The following CREG2 variants were observed in gnomAD, a reference collection of about 807,000 sequenced individuals.
CREG2 encodes protein CREG2.
Under a neutral mutation model 26.2 loss-of-function variants are expected in CREG2, and 24 were observed. The ratio of observed to expected loss-of-function variants is 0.92; its 90% CI spans 0.66 to 1.29. CREG2 has a LOEUF of 1.29. CREG2 is among the 50% of genes most tolerant of loss of function. The pLI, the probability that CREG2 is intolerant of heterozygous loss-of-function variation, is 0.00. For missense variants in CREG2, 366 were observed against 398.6 expected (o/e 0.92, Z 0.70); for synonymous variants, 174 against 169.2 (o/e 1.03, Z -0.22).
chr2:101,363,514 T>C (rs2104475056), intron 2 of CREG2, among the ~76,000 whole-genome samples: 1 of 152,340 alleles, frequency 6.6e-6, no homozygotes, highest in East Asian at 1.9e-4. Context: ...ACTTTATGTC[T>C]TGATAGTATA....
intron 2 of CREG2, among the ~76,000 whole-genome samples, chr2:101,376,912 G>A (rs1183068264): frequency 6.6e-6 from 1 of 152,072 alleles, no homozygotes; most frequent in African/African-American, 2.4e-5. Context: ...GCTAGACTAG[G>A]GAAACTGTAA....
chr2:101,370,527 G>A (rs1359334794), intron 2 of CREG2, among the ~76,000 whole-genome samples: 1 of 152,160 alleles, frequency 6.6e-6, no homozygotes, highest in Admixed American at 6.5e-5. Flanking sequence ...GGAGGGCTTA[G>A]GACTCAAATT....
intron 2 of CREG2, among the ~76,000 whole-genome samples, chr2:101,371,848 C>T (rs1684712189): frequency 6.6e-6 from 1 of 152,022 alleles, no homozygotes. Flanking sequence ...TGGGAAGTCC[C>T]AGGAGGCTGA....
intron 2 of CREG2, among the ~76,000 whole-genome samples, chr2:101,359,815 A>G (rs539353739): frequency 1.3e-5 from 2 of 152,368 alleles, no homozygotes; most frequent in Admixed American, 6.5e-5. Context: ...TACCAGCATT[A>G]TGCATCAACC....
At chr2:101,355,717 C>CG (rs901014163) in intron 2 of CREG2, among the ~76,000 whole-genome samples, 52 of 90,208 alleles carry the variant, frequency 5.8e-4, no homozygotes, top group South Asian at 3.9e-3. Context: ...GGGTGGGGTT[C>CG]GGGGGGGTGG....
At chr2:101,362,488 T>C (rs1684557007) in intron 2 of CREG2, among the ~76,000 whole-genome samples, 1 of 152,220 alleles carries the variant, frequency 6.6e-6, no homozygotes, top group Non-Finnish European at 1.5e-5. Context: ...TCTGGAGCTC[T>C]GTTTGTCTCT....
At chr2:101,377,308 G>T (rs2104483144) in intron 2 of CREG2, among the ~76,000 whole-genome samples, 1 of 152,026 alleles carries the variant, frequency 6.6e-6, no homozygotes, top group African/African-American at 2.4e-5. Context: ...ACCTCTTTGG[G>T]TTTCATTTAC....
intron 3 of CREG2, among the ~76,000 whole-genome samples, chr2:101,352,988 T>G (rs1204650486): frequency 1.3e-5 from 2 of 152,174 alleles, no homozygotes; most frequent in African/African-American, 4.8e-5. Flanking sequence ...TACTGAAAGC[T>G]GGAGGTAAAG....
At chr2:101,379,396 T>TGGC (rs1394595261) in intron 2 of CREG2, among the ~76,000 whole-genome samples, 1 of 152,238 alleles carries the variant, frequency 6.6e-6, no homozygotes, top group Admixed American at 6.5e-5. Context: ...CTCAAGATAT[T>TGGC]GGCTTCTCAC....
chr2:101,370,063 G>A (rs996635562), intron 2 of CREG2, among the ~76,000 whole-genome samples: 1 of 152,286 alleles, frequency 6.6e-6, no homozygotes, highest in Non-Finnish European at 1.5e-5. Context: ...AGGTTGCCTA[G>A]GAGTGAATCC....
rs148422857 is a variant in CREG2 at position 101,371,321 on chromosome 2, G to A, written c.611+12212C>T. The stretch of plus-strand genomic sequence containing the variant: ...TTTCCAAAAGCCTGCTATTCATCTC[G>A]TTAGAGATGCACCACAAACAATGCA... On this transcript the variant is annotated intron_variant, in intron 2 of 3. Coordinates refer to ENST00000324768, the MANE Select transcript of CREG2 (RefSeq NM_153836.4). Among the ~76,000 whole-genome samples, 61 of 152,194 alleles carry A rather than the reference G, an allele frequency of 4.0e-4. 1 individual carries two copies. Among genetic ancestry groups the A allele is most frequent in the African/African-American group, 1.2e-3 (48 of 41,518 alleles).
rs1684439070 is a variant in CREG2, at chr2:101,355,291, TGGA to T, written c.684_686del (p.Pro229del). The stretch of plus-strand genomic sequence containing the variant: ...CTTGCTTGGCAAATTCTACTTCTTC[TGGA>T]GACACTGCGATCATCTGGCCAGTGA... On this transcript the variant is annotated inframe_deletion, in exon 3 of 4. Coordinates refer to ENST00000324768, the MANE Select transcript of CREG2 (RefSeq NM_153836.4). 2 of 1,613,842 alleles carry T rather than the reference TGGA, an allele frequency of 1.2e-6. No individual in the cohort carries two copies. Among genetic ancestry groups the T allele is most frequent in the Non-Finnish European group, 8.5e-7 (1 of 1,179,728 alleles).
In CREG2 at chr2:101,382,402, G is replaced by A. The variant is rs1038014227; in HGVS notation, c.611+1131C>T. The stretch of plus-strand genomic sequence containing the variant: ...GATTGCGCCACTGCACTCCAGTCTG[G>A]GAAACAAGAGCGAAACTCTATCTCG... On this transcript the variant is annotated intron_variant, in intron 2 of 3. Coordinates refer to ENST00000324768, the MANE Select transcript of CREG2 (RefSeq NM_153836.4). 3.7e-6 allele frequency: 3 copies of A among 802,258 alleles called. No individual in the cohort carries two copies. The African/African-American group carries it at 5.7e-5, about 15-fold the overall frequency. 49.7% of individuals were successfully genotyped at this position (802,258 alleles called of 1,614,324 possible). A position where few individuals can be genotyped will look rare whatever the true frequency, so the allele number is the denominator to read the frequency against.
At position 101,357,077 on chromosome 2, in the gene CREG2, C is replaced by T. The variant is rs137910335; in HGVS notation, c.612-1711G>A. On this transcript the variant is annotated intron_variant, in intron 2 of 3. Transcript: ENST00000324768. The stretch of plus-strand genomic sequence containing the variant: ...CTAATTTTTGTAGTTTTAGTAGAGA[C>T]GGGGTTTCACCATATTGGCCAAGCT... Among the ~76,000 whole-genome samples, 670 of 152,244 alleles carry T rather than the reference C, an allele frequency of 4.4e-3. 7 individuals carry two copies. Among genetic ancestry groups the T allele is most frequent in the African/African-American group, 0.015 (606 of 41,548 alleles).
intron 2 of CREG2, chr2:101,382,594 A>G (rs1191956456): frequency 1.0e-6 from 1 of 985,292 alleles, no homozygotes; most frequent in African/African-American, 1.7e-5. Flanking sequence ...GGTCAGCTGA[A>G]GTGTCTCCAT....
intron 3 of CREG2, among the ~76,000 whole-genome samples, chr2:101,352,599 C>T (rs980889845): frequency 2.0e-5 from 3 of 152,122 alleles, no homozygotes; most frequent in East Asian, 1.9e-4. Flanking sequence ...CATGAGGCCA[C>T]GAGTTCGAGA....
chr2:101,380,423 C>A (rs942739152), intron 2 of CREG2, among the ~76,000 whole-genome samples: 4 of 152,232 alleles, frequency 2.6e-5, no homozygotes, highest in African/African-American at 9.6e-5. Flanking sequence ...CCCAGGGATG[C>A]CCAGTAGGCT....
intron 2 of CREG2, among the ~76,000 whole-genome samples, chr2:101,378,505 C>T (rs373245110): frequency 5.9e-5 from 9 of 152,164 alleles, no homozygotes; most frequent in South Asian, 2.1e-4. Context: ...TGCAGGAGTT[C>T]GCACTTTATA....
At chr2:101,362,231 G>A (rs947435474) in intron 2 of CREG2, among the ~76,000 whole-genome samples, 4 of 152,076 alleles carry the variant, frequency 2.6e-5, no homozygotes, top group African/African-American at 9.7e-5. Flanking sequence ...GGGAGGATCC[G>A]TACCTGGGGG....
Sources: allele counts gnomAD v4.1 joint callset (sites outside exome capture counted in the v4.1 genomes callset), GRCh38; gene constraint gnomAD v4.1.1; transcripts MANE v1.5; gene names NCBI Gene and HGNC (gene_info 2026-07-23, HGNC 2026-07-21).